The following SEMA6D variants were observed in gnomAD, a reference collection of about 807,000 sequenced individuals.
SEMA6D encodes the protein semaphorin 6D, also known as semaphorin-6D.
SEMA6D carries 35 observed loss-of-function variants against 106.6 expected under a neutral mutation model. That is an observed-to-expected ratio of 0.33 (90% confidence interval 0.25 to 0.44). SEMA6D has a LOEUF of 0.44. SEMA6D is among the 20% of genes least tolerant of loss of function. The probability of loss-of-function intolerance (pLI) is 1.00; values close to 1 mark genes in which losing one functional copy is unlikely to be tolerated. For missense variants in SEMA6D, 1,185 were observed against 1,345.9 expected, an observed-to-expected ratio of 0.88 and a Z score of 1.87; for synonymous variants, 499 against 487.7, an observed-to-expected ratio of 1.02 and a Z score of -0.31.
intron 1 of SEMA6D, among the ~76,000 whole-genome samples, chr15:47,327,335 G>A (rs940710705): frequency 7.2e-5 from 11 of 152,252 alleles, no homozygotes; most frequent in Non-Finnish European, 1.3e-4. Context: ...AATATAAATA[G>A]TAGTTCTTTT....
At chr15:47,387,814 G>A (rs571419429) in intron 1 of SEMA6D, among the ~76,000 whole-genome samples, 79 of 152,242 alleles carry the variant, frequency 5.2e-4, no homozygotes, top group Admixed American at 9.8e-4. Flanking sequence ...TGGAGAAGTC[G>A]CTTAACTCCC....
intron 1 of SEMA6D, among the ~76,000 whole-genome samples, chr15:47,367,707 C>T (rs1182313130): frequency 6.8e-6 from 1 of 146,610 alleles, no homozygotes; most frequent in Middle Eastern, 3.4e-3. Flanking sequence ...CACACACACA[C>T]ACACACACAC....
At chr15:47,301,305 A>G (rs1183895107) in intron 1 of SEMA6D, among the ~76,000 whole-genome samples, 5 of 152,232 alleles carry the variant, frequency 3.3e-5, no homozygotes, top group Admixed American at 3.3e-4. Flanking sequence ...AAGAGTGAAC[A>G]TGCATCAGGA....
intron 3 of SEMA6D, among the ~76,000 whole-genome samples, chr15:47,600,663 A>G (rs774779733): frequency 5.3e-5 from 8 of 152,186 alleles, no homozygotes; most frequent in Non-Finnish European, 2.9e-5. Flanking sequence ...ATGGAATTCA[A>G]TAGAGAAATT....
At chr15:47,401,844 G>A (rs281309) in intron 1 of SEMA6D, among the ~76,000 whole-genome samples, 30,774 of 152,050 alleles carry the variant, frequency 0.2, 3,318 homozygotes, top group South Asian at 0.32. Context: ...GTGTCTGTGC[G>A]TTCATACCAC....
chr15:47,249,196 C>T (rs543306602), intron 1 of SEMA6D, among the ~76,000 whole-genome samples: 257 of 152,248 alleles, frequency 1.7e-3, no homozygotes, highest in African/African-American at 5.9e-3. Context: ...CAACTGCACT[C>T]CAGCCTGGGC....
chr15:47,487,704 T>C (rs1214544359), intron 3 of SEMA6D, among the ~76,000 whole-genome samples: 1 of 152,222 alleles, frequency 6.6e-6, no homozygotes, highest in African/African-American at 2.4e-5. Context: ...TCCCTATTTA[T>C]AGATATTTAG....
At chr15:47,745,553 A>G (rs1316915040) in intron 1 of SEMA6D, among the ~76,000 whole-genome samples, 1 of 152,256 alleles carries the variant, frequency 6.6e-6, no homozygotes, top group African/African-American at 2.4e-5. Context: ...AGTGAAAATT[A>G]GGAACTGAGA....
Position 47,316,102 on chromosome 15 carries a change from C to CTTTTTTTTTTTTTTTTTTT in SEMA6D, c.-238-96283_-238-96282insTTTTTTTTTTTTTTTTTTT, listed in dbSNP as rs67090828. ...TCCCAATCAGTATGCCATTTATTTCCTTTTTTTTGAGACAGAATCTTGTTC... is the reference window on the plus strand; with the variant it reads ...TCCCAATCAGTATGCCATTTATTTCCTTTTTTTTTTTTTTTTTTTTTTTTTTTGAGACAGAATCTTGTTC... On this transcript the variant is annotated intron_variant, in intron 1 of 19. Transcript: ENST00000558014. Among the ~76,000 whole-genome samples, 439 of 81,418 alleles carry CTTTTTTTTTTTTTTTTTTT rather than the reference C, an allele frequency of 5.4e-3. 109 individuals carry two copies. The highest frequency in any genetic ancestry group is 0.023 in the African/African-American group (360 of 15,556). 53.4% of individuals were successfully genotyped at this position (81,418 alleles called of 152,430 possible). A position where few individuals can be genotyped will look rare whatever the true frequency, so the allele number is the denominator to read the frequency against.
At chr15:47,605,628 C>T (rs927952924) in intron 4 of SEMA6D, among the ~76,000 whole-genome samples, 9 of 152,108 alleles carry the variant, frequency 5.9e-5, no homozygotes, top group African/African-American at 1.2e-4. Flanking sequence ...ACCACATCCC[C>T]GATCCCCACC....
chr15:47,551,600 T>C (rs2045689629), intron 3 of SEMA6D, among the ~76,000 whole-genome samples: 1 of 151,686 alleles, frequency 6.6e-6, no homozygotes, highest in African/African-American at 2.4e-5. Flanking sequence ...ATCTCTGTGC[T>C]TCCAATACAC....
At position 47,698,619 on chromosome 15, in the gene SEMA6D, C is replaced by T. The variant is rs141819675; in HGVS notation, c.-54-61126C>T. Among the ~76,000 whole-genome samples the T allele has an allele frequency of 4.5e-4, 69 of 152,218 alleles. No homozygotes were observed. The East Asian group carries it at 0.01, about 22-fold the overall frequency. ...CCTAGAAATCACCTGTTACTTTTTC[C>T]CTTCTTCCATCTTTTCCTCTGATAT... On this transcript the variant is annotated intron_variant, in intron 4 of 19. Coordinates refer to the SEMA6D transcript ENST00000558014.
chr15:47,443,433 A>T (rs1204973601), intron 2 of SEMA6D, among the ~76,000 whole-genome samples: 1 of 152,104 alleles, frequency 6.6e-6, no homozygotes, highest in African/African-American at 2.4e-5. Context: ...AAATTAACCC[A>T]CATGGCATGA....
rs2035620668 is a variant in SEMA6D, at chr15:47,292,248, T to C, written c.-239+107830T>C. Among the ~76,000 whole-genome samples the C allele has an allele frequency of 3.9e-5, 6 of 152,208 alleles. No homozygotes were observed. In the South Asian group the frequency reaches 1.2e-3, roughly 31 times the overall value. On this transcript the variant is annotated intron_variant, in intron 1 of 19. Coordinates refer to the SEMA6D transcript ENST00000558014. ...AAAAGAGTATAAAAAGATGTGATAC[T>C]TTCATTTTTGAGAGGTTTACAGTGG...
exon 1 of SEMA6D, chr15:47,184,173 C>T: frequency 6.5e-6 from 1 of 152,758 alleles, no homozygotes; most frequent in Non-Finnish European, 1.5e-5. Flanking sequence ...TGTGAGGGAG[C>T]GGACGAACCC....
intron 1 of SEMA6D, among the ~76,000 whole-genome samples, chr15:47,372,555 C>T (rs1387350212): frequency 6.6e-6 from 1 of 152,202 alleles, no homozygotes; most frequent in Admixed American, 6.5e-5. Context: ...CAAATGTTTG[C>T]TGATGCTACA....
chr15:47,356,146 CT>C (rs1440281681), intron 1 of SEMA6D, among the ~76,000 whole-genome samples: 1 of 152,104 alleles, frequency 6.6e-6, no homozygotes, highest in Non-Finnish European at 1.5e-5. Flanking sequence ...TCTTCTTACC[CT>C]TTTTTAAATA....
At chr15:47,753,579 A>C (rs184456229) in intron 1 of SEMA6D, among the ~76,000 whole-genome samples, 1 of 152,368 alleles carries the variant, frequency 6.6e-6, no homozygotes, top group African/African-American at 2.4e-5. Context: ...GTAGAGCAGT[A>C]TGAGCAAGCT....
At chr15:47,186,170 T>G (rs1286080199) in intron 1 of SEMA6D, among the ~76,000 whole-genome samples, 1 of 152,180 alleles carries the variant, frequency 6.6e-6, no homozygotes, top group Non-Finnish European at 1.5e-5. Flanking sequence ...CTGACCTGGT[T>G]ATATTTCACT....
Sources: gnomAD v4.1 joint callset for allele counts (sites outside exome capture counted in the v4.1 genomes callset) on GRCh38, gnomAD v4.1.1 for gene constraint, MANE v1.5 for transcripts, NCBI Gene and HGNC (gene_info 2026-07-23, HGNC 2026-07-21) for gene names.